SHROOM2: variants seen among roughly 807,000 people sequenced by gnomAD.
The protein encoded by SHROOM2 is protein Shroom2.
Under a neutral mutation model 75.9 loss-of-function variants are expected in SHROOM2, and 33 were observed. The ratio of observed to expected loss-of-function variants is 0.43; its 90% CI spans 0.33 to 0.58. The LOEUF is 0.58. Ranked by LOEUF, SHROOM2 falls within the 20% of genes least tolerant of loss-of-function variation. The pLI is 0.04. For missense variants in SHROOM2, 1,434 were observed against 1,461.2 expected, an observed-to-expected ratio of 0.98 and a Z score of 0.30; for synonymous variants, 655 against 663.6, an observed-to-expected ratio of 0.99 and a Z score of 0.20.
intron 5 of SHROOM2, among the ~76,000 whole-genome samples, chrX:9,899,879 G>T (rs772808921): frequency 4.4e-5 from 5 of 112,440 alleles, no homozygotes; most frequent in African/African-American, 1.6e-4. Context: ...CGTGGGCAGT[G>T]CTCGATGGGC....
At chrX:9,928,296 G>A (rs771325485) in intron 5 of SHROOM2, among the ~76,000 whole-genome samples, 5 of 112,407 alleles carry the variant, frequency 4.4e-5, no homozygotes, top group African/African-American at 1.3e-4. Flanking sequence ...GCATTAGCAT[G>A]TTTTGCATGA....
chrX:9,827,133 A>G (rs910263211), intron 1 of SHROOM2, among the ~76,000 whole-genome samples: 1 of 108,026 alleles, frequency 9.3e-6, no homozygotes, highest in Non-Finnish European at 1.9e-5. Context: ...AGGGGCAGGT[A>G]TTGGTGATTC....
chrX:9,809,242 G>C (rs1245115555), intron 1 of SHROOM2, among the ~76,000 whole-genome samples: 1 of 111,353 alleles, frequency 9.0e-6, no homozygotes, highest in Admixed American at 9.6e-5. Context: ...TCCCAAAACT[G>C]AAGAACCTGG....
chrX:9,911,076 C>T (rs750648634), intron 5 of SHROOM2, among the ~76,000 whole-genome samples: 38 of 111,204 alleles, frequency 3.4e-4, no homozygotes, highest in South Asian at 2.3e-3. Context: ...GGTGATGGCC[C>T]GGGGTGAATG....
intron 8 of SHROOM2, among the ~76,000 whole-genome samples, chrX:9,941,971 CAA>C (rs56088322): frequency 3.7e-5 from 2 of 54,460 alleles, no homozygotes. Context: ...GACTCCGTCT[CAA>C]AAAAAAAAAA....
rs1303087170 is a variant in SHROOM2 at position 9,932,577 on chromosome X, C to T, written c.3294C>T (p.Ser1098=). Residue 1098 remains serine (S), a synonymous_variant, in exon 6 of 10, where the codon TCC becomes TCT. Transcript: ENST00000380913. ...TCGGCAGGCCCTTCCCAACGCCATCCCCTGCGTCCCTGGATGTGTATGTGG... is the reference window on the plus strand; with the variant it reads ...TCGGCAGGCCCTTCCCAACGCCATCTCCTGCGTCCCTGGATGTGTATGTGG... ...GVLGRPFPTP[S]PASLDVYVAR... 8.3e-7 allele frequency: 1 copy of T among 1,211,753 alleles called. No individual in the cohort carries two copies. Among genetic ancestry groups the T allele is most frequent in the African/African-American group, 1.7e-5 (1 of 57,936 alleles).
rs201766478 is a variant in SHROOM2, at chrX:9,894,957, C to T, written c.1049C>T (p.Thr350Met). 21 of 1,209,124 alleles carry T rather than the reference C, an allele frequency of 1.7e-5. No individual in the cohort carries two copies. The highest frequency in any genetic ancestry group is 1.2e-4 in the African/African-American group (7 of 57,336). Residue 350 changes from threonine (T) to methionine (M), a missense_variant, in exon 4 of 10, where the codon ACG (threonine) becomes ATG (methionine). Thr to Met is a moderately conservative substitution (Grantham distance 81). Transcript: ENST00000380913. ...GAGGCGGCTGCGGCACAGCACTTTA[C>T]GGCCCTGGCCCAGGCTCAGCCTCGT... is the stretch of plus-strand genomic sequence containing the variant. ...FSEAAAAQHFTALAQAQPRGD... is the reference protein window; with the variant it reads ...FSEAAAAQHFMALAQAQPRGD...
At chrX:9,809,865 G>C (rs1173087090) in intron 1 of SHROOM2, among the ~76,000 whole-genome samples, 1 of 111,358 alleles carries the variant, frequency 9.0e-6, no homozygotes, top group Admixed American at 9.6e-5. Flanking sequence ...TAGTAGAGAC[G>C]GGGTTTCACC....
At chrX:9,848,510 C>CACAAAAAAAAAAAAAAAA (rs1555927073) in intron 1 of SHROOM2, among the ~76,000 whole-genome samples, 2 of 22,038 alleles carry the variant, frequency 9.1e-5, no homozygotes, top group African/African-American at 3.1e-4. Flanking sequence ...GACTCCGTCT[C>CACAAAAAAAAAAAAAAAA]AAAAAAAAAA....
chrX:9,899,789 G>A (rs919748972), intron 5 of SHROOM2, among the ~76,000 whole-genome samples: 1 of 112,400 alleles, frequency 8.9e-6, no homozygotes, highest in African/African-American at 3.2e-5. Flanking sequence ...TGGATTCCAA[G>A]TAGGTCACGT....
At chrX:9,827,223 C>CTGTTTTTT (rs2083892121) in intron 1 of SHROOM2, among the ~76,000 whole-genome samples, 1 of 60,153 alleles carries the variant, frequency 1.7e-5, no homozygotes, top group Non-Finnish European at 2.8e-5. Context: ...TTTTCTTTTT[C>CTGTTTTTT]TTTTTTTTTT....
chrX:9,831,675 AC>A (rs1157093726), intron 1 of SHROOM2, among the ~76,000 whole-genome samples: 22 of 111,606 alleles, frequency 2.0e-4, no homozygotes, highest in African/African-American at 5.2e-4. Flanking sequence ...AAACAAACAA[AC>A]AAAAGCAACA....
At chrX:9,892,451 T>G (rs1237841262) in intron 3 of SHROOM2, among the ~76,000 whole-genome samples, 13 of 110,767 alleles carry the variant, frequency 1.2e-4, no homozygotes, top group Non-Finnish European at 1.9e-5. Flanking sequence ...GATTCTCAAC[T>G]GAGTAGTAAC....
chrX:9,896,451 T>C lies in SHROOM2; in HGVS notation c.2543T>C (p.Leu848Pro). ...GAGCCCTGGTCGCGCACCACCTCCC[T>C]TGGGGACAGCCTCAACGCTCACAGC... is the stretch of plus-strand genomic sequence containing the variant. Reference protein sequence around the residue: ...GTEPWSRTTSLGDSLNAHSAA... With the variant: ...GTEPWSRTTSPGDSLNAHSAA... The change falls in exon 4 of 10, where the codon CTT (leucine) becomes CCT (proline). Residue 848 changes from leucine (L) to proline (P), a missense_variant. By Grantham distance (98) the Leu-to-Pro change is moderately conservative. Around this residue, in one of 3 missense-constraint regions of SHROOM2, gnomAD observed 1,340 missense variants for 1,338.3 expected, o/e 1.00. Coordinates refer to ENST00000380913, the MANE Select transcript of SHROOM2 (RefSeq NM_001649.4). The C allele has an allele frequency of 8.3e-7, 1 of 1,211,559 alleles. No individual in the cohort carries two copies. Among genetic ancestry groups the C allele is most frequent in the Non-Finnish European group, 1.1e-6 (1 of 895,356 alleles).
At chrX:9,820,585 A>C (rs2083848622) in intron 1 of SHROOM2, among the ~76,000 whole-genome samples, 1 of 111,755 alleles carries the variant, frequency 8.9e-6, no homozygotes, top group Non-Finnish European at 1.9e-5. Context: ...GGCTGGTCTC[A>C]AACTCCTGGG....
chrX:9,912,151 C>T lies in SHROOM2; in HGVS notation c.2891+13861C>T, dbSNP rs898936549. ...ACACACACACACACACACACACACA[C>T]ATAAAGGAAGACTGCCCCCCAAGCC... On this transcript the variant is annotated intron_variant, in intron 5 of 9. Coordinates refer to ENST00000380913, the MANE Select transcript of SHROOM2 (RefSeq NM_001649.4). Among the ~76,000 whole-genome samples the T allele has an allele frequency of 1.1e-4, 10 of 88,611 alleles. 1 individual carries two copies. The highest frequency in any genetic ancestry group is 3.5e-4 in the African/African-American group (8 of 22,873). 76.9% of individuals were successfully genotyped at this position (88,611 alleles called of 115,157 possible).
At position 9,946,947 on chromosome X, in the gene SHROOM2, C is replaced by T. The variant is rs1194223897; in HGVS notation, c.*10C>T. On this transcript the variant is annotated 3_prime_UTR_variant, in exon 10 of 10. Transcript: ENST00000380913. The stretch of plus-strand genomic sequence containing the variant: ...CGAAAGGGGCAAATAAGAGACCAGT[C>T]CCCGGTGGAGGAGGGGCACGGGGCC... 14 of 1,181,646 alleles carry T rather than the reference C, an allele frequency of 1.2e-5. No individual in the cohort carries two copies. Among genetic ancestry groups the T allele is most frequent in the Non-Finnish European group, 1.6e-5 (14 of 878,739 alleles).
chrX:9,868,622 C>T (rs1375364319), intron 1 of SHROOM2, among the ~76,000 whole-genome samples: 2 of 108,644 alleles, frequency 1.8e-5, no homozygotes, highest in South Asian at 4.1e-4. Context: ...CGGCTCACTG[C>T]GGCCTCAACC....
chrX:9,794,402 T>C (rs2083683580), intron 1 of SHROOM2, among the ~76,000 whole-genome samples: 1 of 111,587 alleles, frequency 9.0e-6, no homozygotes, highest in Non-Finnish European at 1.9e-5. Context: ...GTAGTTTCGC[T>C]CTTGTTGCCC....
Sources: gnomAD v4.1 joint callset for allele counts (sites outside exome capture counted in the v4.1 genomes callset) on GRCh38, gnomAD v4.1.1 for gene constraint, gnomAD v4.1.1 regional missense constraint, MANE v1.5 for transcripts, NCBI Gene and HGNC (gene_info 2026-07-23, HGNC 2026-07-21) for gene names.